Variants in ZNF331 observed in about 807,000 individuals in gnomAD.
ZNF331 encodes the protein C2H2-like zinc finger protein rearranged in thyroid adenomas.
Under a neutral mutation model 7.0 loss-of-function variants are expected in ZNF331, and 2 were observed. The observed-to-expected ratio is 0.29, with a 90% CI of 0.12 to 0.90. The LOEUF (loss-of-function observed/expected upper bound fraction) is 0.90. Ranked by LOEUF, ZNF331 falls within the 40% of genes least tolerant of loss-of-function variation. ZNF331 has a pLI of 0.58. For synonymous variants in ZNF331, 196 were observed against 205.4 expected (o/e 0.95, Z 0.39); for missense variants, 432 against 587.7 (o/e 0.74, Z 2.74).
At chr19:53,510,621 A>G in the ZNF331 span, among the ~76,000 whole-genome samples, 1 of 151,872 alleles carries the variant, frequency 6.6e-6, no homozygotes, top group East Asian at 1.9e-4. Flanking sequence ...AGCTACCCTC[A>G]TTTCGTTCTT....
At chr19:53,550,694 G>A (rs1449192229) in intron 2 of ZNF331, among the ~76,000 whole-genome samples, 1 of 150,786 alleles carries the variant, frequency 6.6e-6, no homozygotes, top group Non-Finnish European at 1.5e-5. Flanking sequence ...CTGCCACCAC[G>A]CCAGGCTAAT....
chr19:53,527,863 A>AAGAG (rs10658865), intron 2 of ZNF331, among the ~76,000 whole-genome samples: 101,028 of 151,788 alleles, frequency 0.67, 34,630 homozygotes, highest in African/African-American at 0.84. Context: ...ATTATCAAGA[A>AAGAG]AGCCTTTCAG....
chr19:53,505,824 A>G, the ZNF331 span, among the ~76,000 whole-genome samples: 1 of 151,004 alleles, frequency 6.6e-6, no homozygotes, highest in African/African-American at 2.4e-5. Context: ...CTCTCTATTA[A>G]AAATACAAAA....
chr19:53,535,996 G>T (rs965095796), upstream of ZNF331, among the ~76,000 whole-genome samples: 2 of 151,954 alleles, frequency 1.3e-5, no homozygotes, highest in Non-Finnish European at 2.9e-5. Context: ...TAGAGACAGG[G>T]TTTCACCATG....
chr19:53,567,524 G>A (rs1388148133), intron 3 of ZNF331, among the ~76,000 whole-genome samples: 1 of 152,092 alleles, frequency 6.6e-6, no homozygotes, highest in African/African-American at 2.4e-5. Context: ...CAAGCTTGGT[G>A]GGGATTCCTC....
At chr19:53,569,772 C>T (rs776156692) in intron 4 of ZNF331, among the ~76,000 whole-genome samples, 1 of 152,120 alleles carries the variant, frequency 6.6e-6, no homozygotes, top group Non-Finnish European at 1.5e-5. Flanking sequence ...TGCTCATATT[C>T]GCCGGTCTGT....
At chr19:53,557,053 C>T (rs1339335318) in intron 3 of ZNF331, among the ~76,000 whole-genome samples, 1 of 141,980 alleles carries the variant, frequency 7.0e-6, no homozygotes, top group Non-Finnish European at 1.5e-5. Flanking sequence ...CTCCTGAGCT[C>T]AAGCAATCTG....
intron 5 of ZNF331, 37 bp from the exon 6 acceptor site, chr19:53,576,660 C>G (rs761350718): frequency 2.6e-6 from 4 of 1,543,182 alleles, no homozygotes; most frequent in Non-Finnish European, 2.6e-6. Context: ...GTACTTGTGT[C>G]CCTCTAAAGG....
At chr19:53,534,376 C>T (rs145733163), upstream of ZNF331, among the ~76,000 whole-genome samples, 11,016 of 152,170 alleles carry the variant, frequency 0.072, 527 homozygotes, top group Non-Finnish European at 0.11. Flanking sequence ...CAAACTCCAC[C>T]TCCCAGATTC....
intron 2 of ZNF331, among the ~76,000 whole-genome samples, chr19:53,523,052 A>T (rs1332250038): frequency 6.6e-6 from 1 of 150,776 alleles, no homozygotes; most frequent in African/African-American, 2.5e-5. Flanking sequence ...AAATTTTTAT[A>T]TAATTGGCAA....
At chr19:53,540,566 G>A (rs907948411) in intron 2 of ZNF331, among the ~76,000 whole-genome samples, 6 of 152,088 alleles carry the variant, frequency 3.9e-5, no homozygotes, top group Admixed American at 1.3e-4. Flanking sequence ...CCGAGTAGCT[G>A]GGATTACAGG....
At chr19:53,569,505 C>A in intron 4 of ZNF331, 120 bp downstream of exon 4, 1 of 1,142,024 alleles carries the variant, frequency 8.8e-7, no homozygotes, top group Non-Finnish European at 1.3e-6. Flanking sequence ...TTTCCCAGCT[C>A]TTTCTATTCC....
upstream of ZNF331, among the ~76,000 whole-genome samples, chr19:53,518,932 G>A (rs990640634): frequency 1.8e-4 from 28 of 152,358 alleles, no homozygotes; most frequent in Non-Finnish European, 3.1e-4. Flanking sequence ...CCTCTGGGGA[G>A]GACAGATGGT....
the ZNF331 span, among the ~76,000 whole-genome samples, chr19:53,507,498 C>T: frequency 5.9e-5 from 9 of 152,278 alleles, no homozygotes; most frequent in African/African-American, 1.9e-4. Context: ...GATCTATCAT[C>T]GGTGAAAATT....
At chr19:53,535,232 C>T (rs1295473545), upstream of ZNF331, among the ~76,000 whole-genome samples, 1 of 150,982 alleles carries the variant, frequency 6.6e-6, no homozygotes, top group Non-Finnish European at 1.5e-5. Context: ...GCTGGGATTA[C>T]AGGTGTCTGC....
chr19:53,551,877 A>C (rs2089034313), intron 2 of ZNF331, among the ~76,000 whole-genome samples: 1 of 152,176 alleles, frequency 6.6e-6, no homozygotes, highest in Non-Finnish European at 1.5e-5. Flanking sequence ...GCATTCGAGG[A>C]TTTTGATATT....
chr19:53,578,116 T>G lies in ZNF331; in HGVS notation c.*164T>G. ...CTTCTGAGTAGCGTGATGAAATCTCTCGCTGTCCGGCTCCAGCCGGCCGGG... is the reference window on the plus strand; with the variant it reads ...CTTCTGAGTAGCGTGATGAAATCTCGCGCTGTCCGGCTCCAGCCGGCCGGG... On this transcript the variant is annotated 3_prime_UTR_variant, in exon 6 of 6. Transcript: ENST00000449416. 1 of 964,952 alleles carries G rather than the reference T, an allele frequency of 1.0e-6. No homozygotes were observed. Among genetic ancestry groups the G allele is most frequent in the Non-Finnish European group, 1.5e-6 (1 of 675,966 alleles). 59.8% of individuals were successfully genotyped at this position (964,952 alleles called of 1,614,324 possible).
rs2147740291 is a variant in ZNF331 at position 53,580,052 on chromosome 19, T to C, written c.*2100T>C. Reference sequence around the variant, plus strand: ...CACAATGTGCTGTCACTCTAGACAGTCACCAGGATGATTAAATTTAAATCA... The same window carrying C: ...CACAATGTGCTGTCACTCTAGACAGCCACCAGGATGATTAAATTTAAATCA... On this transcript the variant is annotated 3_prime_UTR_variant, in exon 6 of 6. Transcript: ENST00000449416. 1 of 211,126 alleles carries C rather than the reference T, an allele frequency of 4.7e-6. No individual in the cohort carries two copies. The highest frequency in any genetic ancestry group is 9.6e-6 in the Non-Finnish European group (1 of 104,172). 13.1% of individuals were successfully genotyped at this position (211,126 alleles called of 1,614,324 possible).
Position 53,577,969 on chromosome 19 carries a change from A to G in ZNF331, c.*17A>G. The G allele has an allele frequency of 6.3e-7, 1 of 1,597,478 alleles. No homozygotes were observed. The highest frequency in any genetic ancestry group is 8.6e-7 in the Non-Finnish European group (1 of 1,169,196). ...AACAGTTGAAGAGCCTTTTGAACGC[A>G]GTAGCCCGCTCGTATCTATGGTTTC... is the stretch of plus-strand genomic sequence containing the variant. On this transcript the variant is annotated 3_prime_UTR_variant, in exon 6 of 6. Coordinates refer to ENST00000449416, the MANE Select transcript of ZNF331 (RefSeq NM_001079906.2).
Sources: gnomAD v4.1 joint callset for allele counts (sites outside exome capture counted in the v4.1 genomes callset) on GRCh38, gnomAD v4.1.1 for gene constraint, MANE v1.5 for transcripts, NCBI Gene and HGNC (gene_info 2026-07-23, HGNC 2026-07-21) for gene names.